Variants in LZTS1 observed in about 807,000 individuals in gnomAD.
LZTS1 encodes the protein leucine zipper putative tumor suppressor 1.
Under a neutral mutation model 45.8 loss-of-function variants are expected in LZTS1, and 31 were observed. The observed-to-expected ratio is 0.68, with a 90% confidence interval of 0.51 to 0.91. The LOEUF is 0.91. LZTS1 is among the 40% of genes least tolerant of loss of function. The pLI is 0.00. For missense variants in LZTS1, 821 were observed against 788.9 expected (o/e 1.04, Z -0.49); for synonymous variants, 359 against 357.3 (o/e 1.00, Z -0.05).
intron 1 of LZTS1, among the ~76,000 whole-genome samples, chr8:20,256,962 TAGG>T (rs1300163757): frequency 2.0e-5 from 3 of 152,024 alleles, no homozygotes; most frequent in Non-Finnish European, 4.4e-5. Flanking sequence ...TCAGGCAGGT[TAGG>T]AGAAGTGAAA....
chr8:20,301,631 T>C (rs887938030), intron 1 of LZTS1, among the ~76,000 whole-genome samples: 2 of 152,198 alleles, frequency 1.3e-5, no homozygotes, highest in African/African-American at 4.8e-5. Context: ...AAGCCATTTA[T>C]ATACGTCTGG....
intron 3 of LZTS1, among the ~76,000 whole-genome samples, 182 bp from the exon 4 acceptor site, chr8:20,250,545 C>T (rs909470141): frequency 3.9e-5 from 6 of 152,326 alleles, no homozygotes; most frequent in Non-Finnish European, 7.4e-5. Flanking sequence ...CCCAGGTTAT[C>T]GAGCTAGGCT....
chr8:20,295,587 C>T (rs1250256014), intron 1 of LZTS1, among the ~76,000 whole-genome samples: 1 of 152,162 alleles, frequency 6.6e-6, no homozygotes, highest in Non-Finnish European at 1.5e-5. Flanking sequence ...GACACACATT[C>T]TCTTTCAAGG....
Position 20,249,655 on chromosome 8 carries a change from G to A in LZTS1, c.*67C>T. 2.6e-6 allele frequency: 4 copies of A among 1,534,156 alleles called. No individual in the cohort carries two copies. Among genetic ancestry groups the A allele is most frequent in the Non-Finnish European group, 3.5e-6 (4 of 1,141,950 alleles). Reference sequence around the variant, plus strand: ...CAGAGGGGTCTGAATTGCTGAGCAGGGGGGATGCACGGGAGAGCCCTGCCT... The same window carrying A: ...CAGAGGGGTCTGAATTGCTGAGCAGAGGGGATGCACGGGAGAGCCCTGCCT... On this transcript the variant is annotated 3_prime_UTR_variant, in exon 4 of 4. Coordinates refer to ENST00000381569, the MANE Select transcript of LZTS1 (RefSeq NM_021020.5).
At position 20,253,211 on chromosome 8, in the gene LZTS1, G is replaced by A. The variant is rs1799990913; in HGVS notation, c.720C>T (p.Gly240=). Residue 240 remains glycine, a synonymous_variant, in exon 3 of 4, where the codon GGC becomes GGT. Coordinates refer to ENST00000381569, the MANE Select transcript of LZTS1 (RefSeq NM_021020.5). The part of the protein sequence containing the change: ...LSFSDGGSKL[G]HSNKADKGPS... The stretch of plus-strand genomic sequence containing the variant: ...GGCCCTTGTCTGCCTTGTTCGAGTG[G>A]CCCAGCTTGCTACCTCCGTCGGAGA... 6.2e-7 allele frequency: 1 copy of A among 1,613,772 alleles called. No homozygotes were observed. The highest frequency in any genetic ancestry group is 1.1e-5 in the South Asian group (1 of 91,084).
chr8:20,253,608 T>G, intron 2 of LZTS1, 23 bp from the exon 3 acceptor site: 63 of 1,421,314 alleles, frequency 4.4e-5, no homozygotes, highest in Non-Finnish European at 5.5e-5. Flanking sequence ...AGGACCGCGG[T>G]GACTCATGCC....
intron 1 of LZTS1, among the ~76,000 whole-genome samples, chr8:20,279,598 G>A (rs890286215): frequency 6.7e-6 from 1 of 148,984 alleles, no homozygotes; most frequent in Non-Finnish European, 1.5e-5. Context: ...GCTACTGAGA[G>A]TCTGAGGTGG....
rs575594458 is a variant in LZTS1, at chr8:20,252,753, C to G, written c.1149+29G>C. ...GTACTGGCGCCAAACCGCTGACCACCCAAACCCATGAGCCCTGTGTGGCCT... is the reference window on the plus strand; with the variant it reads ...GTACTGGCGCCAAACCGCTGACCACGCAAACCCATGAGCCCTGTGTGGCCT... On this transcript the variant is annotated intron_variant, in intron 3 of 3. Transcript: ENST00000381569. 1.6e-5 allele frequency: 24 copies of G among 1,490,992 alleles called. No homozygotes were observed. The South Asian group carries it at 3.3e-4, about 21-fold the overall frequency. 92.4% of individuals were successfully genotyped at this position (1,490,992 alleles called of 1,614,324 possible). A position where few individuals can be genotyped will look rare whatever the true frequency, so the allele number is the denominator to read the frequency against.
rs1175672936 is a variant in LZTS1, at chr8:20,246,822, T to C, written c.*2900A>G. ...AGGCGTCCTTTGGGGACAGAGCAGG[T>C]TGGTCCATCCGAGTGGGTCAGTGGG... On this transcript the variant is annotated 3_prime_UTR_variant, in exon 4 of 4. Coordinates refer to ENST00000381569, the MANE Select transcript of LZTS1 (RefSeq NM_021020.5). 1 of 152,246 alleles carries C rather than the reference T, an allele frequency of 6.6e-6. No homozygotes were observed. The highest frequency in any genetic ancestry group is 1.9e-4 in the East Asian group (1 of 5,168). The allele number at this position is 152,246 out of a possible 1,614,324, so 9.4% of individuals were successfully genotyped here.
At chr8:20,286,084 C>A (rs1447453255) in intron 1 of LZTS1, among the ~76,000 whole-genome samples, 2 of 152,074 alleles carry the variant, frequency 1.3e-5, no homozygotes, top group Non-Finnish European at 2.9e-5. Flanking sequence ...ATCTTCTTGA[C>A]CTTTGGATAG....
At chr8:20,293,879 C>T (rs1368619462) in intron 1 of LZTS1, among the ~76,000 whole-genome samples, 1 of 152,066 alleles carries the variant, frequency 6.6e-6, no homozygotes, top group East Asian at 1.9e-4. Flanking sequence ...GCAGGGATTG[C>T]ACCACTGCAC....
intron 1 of LZTS1, chr8:20,289,980 C>G (rs1800872148): frequency 6.6e-6 from 1 of 152,250 alleles, no homozygotes; most frequent in South Asian, 2.1e-4. Flanking sequence ...CCATGGCTAC[C>G]TGGTTCGAGG....
At chr8:20,293,457 TC>T (rs1263529555) in intron 1 of LZTS1, among the ~76,000 whole-genome samples, 2 of 152,206 alleles carry the variant, frequency 1.3e-5, no homozygotes, top group African/African-American at 4.8e-5. Context: ...CTCTGTATCT[TC>T]CATGAAGACT....
chr8:20,255,552 G>C (rs1800078395), intron 1 of LZTS1, among the ~76,000 whole-genome samples: 1 of 152,154 alleles, frequency 6.6e-6, no homozygotes, highest in African/African-American at 2.4e-5. Context: ...GACTAAAACA[G>C]TCACAGTCCC....
At chr8:20,294,041 G>C (rs1800942763) in intron 1 of LZTS1, among the ~76,000 whole-genome samples, 1 of 152,162 alleles carries the variant, frequency 6.6e-6, no homozygotes, top group African/African-American at 2.4e-5. Context: ...GTGTGTGTAG[G>C]GGAGACAGGG....
rs780594924 is a variant in LZTS1, at chr8:20,252,763, G to T, written c.1149+19C>A. The T allele has an allele frequency of 1.5e-5, 22 of 1,502,156 alleles. No individual in the cohort carries two copies. Among genetic ancestry groups the T allele is most frequent in the Middle Eastern group, 4.8e-4 (2 of 4,158 alleles). 93.1% of individuals were successfully genotyped at this position (1,502,156 alleles called of 1,614,324 possible). Reference sequence around the variant, plus strand: ...CAAACCGCTGACCACCCAAACCCATGAGCCCTGTGTGGCCTCACCTCCCAC... The same window carrying T: ...CAAACCGCTGACCACCCAAACCCATTAGCCCTGTGTGGCCTCACCTCCCAC... On this transcript the variant is annotated intron_variant, in intron 3 of 3. Transcript: ENST00000381569.
In LZTS1 at chr8:20,250,272, C is replaced by T. The variant is rs1162532022; in HGVS notation, c.1241G>A (p.Gly414Asp). 9 of 1,613,770 alleles carry T rather than the reference C, an allele frequency of 5.6e-6. No individual in the cohort carries two copies. The highest frequency in any genetic ancestry group is 7.6e-6 in the Non-Finnish European group (9 of 1,180,012). ...EVNAKASEIL[G>D]LKAQLKDTRG... is the part of the protein sequence containing the mutation. ...CGTGTCCTTCAGCTGTGCCTTGAGACCCAGGATCTCGCTAGCCTTGGCGTT... is the reference window on the plus strand; with the variant it reads ...CGTGTCCTTCAGCTGTGCCTTGAGATCCAGGATCTCGCTAGCCTTGGCGTT... Residue 414 changes from glycine (G) to aspartate (D), a missense_variant, in exon 4 of 4, where the codon GGT becomes GAT. Physicochemically the swap from Gly to Asp is moderately conservative, Grantham distance 94 (BLOSUM62 -1). Coordinates refer to ENST00000381569, the MANE Select transcript of LZTS1 (RefSeq NM_021020.5).
intron 1 of LZTS1, among the ~76,000 whole-genome samples, chr8:20,266,969 A>C (rs1001872757): frequency 6.6e-6 from 1 of 152,002 alleles, no homozygotes; most frequent in Non-Finnish European, 1.5e-5. Context: ...TTAGCCAGGC[A>C]TGGTGGCGCG....
rs1221866346 is a variant in LZTS1 at position 20,247,687 on chromosome 8, G to C, written c.*2035C>G. The C allele has an allele frequency of 6.6e-6, 1 of 152,386 alleles. No homozygotes were observed. The highest frequency in any genetic ancestry group is 2.4e-5 in the African/African-American group (1 of 41,468). 9.4% of individuals were successfully genotyped at this position (152,386 alleles called of 1,614,324 possible). On this transcript the variant is annotated 3_prime_UTR_variant, in exon 4 of 4. Coordinates refer to ENST00000381569, the MANE Select transcript of LZTS1 (RefSeq NM_021020.5). ...CCTCAGGGACAGGAAGGTAGAGCCA[G>C]CCACAGAAAAGGTGACTCTGGCCTC...
Sources: gnomAD v4.1 joint callset for allele counts (sites outside exome capture counted in the v4.1 genomes callset) on GRCh38, gnomAD v4.1.1 for gene constraint, MANE v1.5 for transcripts, NCBI Gene and HGNC (gene_info 2026-07-23, HGNC 2026-07-21) for gene names.